ARID4B: variants seen among roughly 807,000 people sequenced by gnomAD.
ARID4B encodes AT-rich interaction domain 4B.
In ARID4B, 26 loss-of-function variants were observed where a neutral mutation model predicts 147.5. The observed-to-expected ratio is 0.18, with a 90% CI of 0.13 to 0.24. ARID4B has a LOEUF of 0.24. ARID4B is among the 10% of genes least tolerant of loss of function. The pLI is 1.00. For missense variants in ARID4B, 1,179 were observed against 1,511.5 expected (o/e 0.78, Z 3.65); for synonymous variants, 512 against 507.9 (o/e 1.01, Z -0.11).
At chr1:235,218,135 CTG>C (rs1402899521) in intron 16 of ARID4B, among the ~76,000 whole-genome samples, 1 of 152,124 alleles carries the variant, frequency 6.6e-6, no homozygotes, top group Non-Finnish European at 1.5e-5. Context: ...GTAACTGAAA[CTG>C]TGGAAAAGCA....
At position 235,240,379 on chromosome 1, in the gene ARID4B, T is replaced by C; in HGVS notation, c.519A>G (p.Leu173=). Residue 173 remains leucine, a synonymous_variant, in exon 8 of 24, where the codon CTA becomes CTG. Coordinates refer to ENST00000264183, the MANE Select transcript of ARID4B (RefSeq NM_016374.6). Reference sequence around the variant, plus strand: ...TGTAATCTACACATACAACTTTGCCTAGTAGCTCATCAATCTGTTTCCTAT... The same window carrying C: ...TGTAATCTACACATACAACTTTGCCCAGTAGCTCATCAATCTGTTTCCTAT... ...EDDRKQIDEL[L]GKVVCVDYIS... The C allele has an allele frequency of 6.2e-7, 1 of 1,613,510 alleles. No homozygotes were observed.
Position 235,315,213 on chromosome 1 carries a change from C to T in ARID4B, c.6+11701G>A, listed in dbSNP as rs1158243745. Among the ~76,000 whole-genome samples the T allele has an allele frequency of 2.0e-5, 3 of 152,098 alleles. No homozygotes were observed. In the East Asian group the frequency reaches 5.8e-4, roughly 29 times the overall value. The stretch of plus-strand genomic sequence containing the variant: ...CCAAGGTGGGAGGATCACCTGAGCT[C>T]AAGAGTTCAAGACTAGCCTGGGCAA... On this transcript the variant is annotated intron_variant, in intron 2 of 23. Coordinates refer to ENST00000264183, the MANE Select transcript of ARID4B (RefSeq NM_016374.6).
At chr1:235,267,183 C>A (rs1253331868) in intron 2 of ARID4B, among the ~76,000 whole-genome samples, 1 of 152,196 alleles carries the variant, frequency 6.6e-6, no homozygotes. Context: ...GAGGCTGAGG[C>A]GGGAGGATCG....
intron 20 of ARID4B, chr1:235,180,539 T>C (rs1033283973): frequency 1.3e-5 from 2 of 152,184 alleles, no homozygotes; most frequent in African/African-American, 4.8e-5. Context: ...TTGCATGAGA[T>C]AGTATGGCAC....
intron 2 of ARID4B, among the ~76,000 whole-genome samples, chr1:235,310,808 A>G (rs1673993805): frequency 6.6e-6 from 1 of 152,080 alleles, no homozygotes; most frequent in Admixed American, 6.5e-5. Flanking sequence ...GTAGCTGGAA[A>G]TACAGTCACA....
At chr1:235,203,472 C>T (rs1036886655) in intron 17 of ARID4B, among the ~76,000 whole-genome samples, 23 of 151,984 alleles carry the variant, frequency 1.5e-4, no homozygotes, top group African/African-American at 2.2e-4. Flanking sequence ...AAAATAACTT[C>T]GTAAGTAAAA....
chr1:235,204,139 T>C (rs1403476418), intron 17 of ARID4B, among the ~76,000 whole-genome samples: 1 of 152,048 alleles, frequency 6.6e-6, no homozygotes, highest in Non-Finnish European at 1.5e-5. Context: ...CTGGCCAGCA[T>C]GGTGAAACCT....
intron 17 of ARID4B, among the ~76,000 whole-genome samples, chr1:235,209,039 A>T (rs1452401690): frequency 6.6e-6 from 1 of 152,230 alleles, no homozygotes; most frequent in East Asian, 1.9e-4. Flanking sequence ...AGCCCTTTCC[A>T]GTAAATGTGG....
At chr1:235,214,780 G>C (rs920403749) in intron 16 of ARID4B, among the ~76,000 whole-genome samples, 3 of 149,146 alleles carry the variant, frequency 2.0e-5, no homozygotes, top group Non-Finnish European at 4.4e-5. Context: ...CAGATGAGAG[G>C]CCAATTACAA....
At chr1:235,201,330 C>CT (rs770314693) in intron 17 of ARID4B, among the ~76,000 whole-genome samples, 195 of 145,334 alleles carry the variant, frequency 1.3e-3, no homozygotes, top group Middle Eastern at 7.1e-3. Flanking sequence ...CGAGAATCTT[C>CT]TTTTTTTTTT....
chr1:235,269,842 A>C, intron 2 of ARID4B, among the ~76,000 whole-genome samples: 1 of 152,304 alleles, frequency 6.6e-6, no homozygotes, highest in African/African-American at 2.4e-5. Context: ...TATTTTGTAA[A>C]GTAATATATA....
Position 235,258,706 on chromosome 1 carries a change from T to C in ARID4B, c.118-1481A>G, listed in dbSNP as rs147081367. ...GGCAGGCCCACTCAAAAACCAGCTA[T>C]GAAAGGAGATGCCTTATACCCACAG... On this transcript the variant is annotated intron_variant, in intron 3 of 23. Coordinates refer to ENST00000264183, the MANE Select transcript of ARID4B (RefSeq NM_016374.6). Among the ~76,000 whole-genome samples the C allele has an allele frequency of 7.9e-5, 12 of 152,318 alleles. No individual in the cohort carries two copies. The East Asian group carries it at 2.3e-3, about 29-fold the overall frequency.
At chr1:235,199,097 T>A (rs1303745278) in intron 17 of ARID4B, among the ~76,000 whole-genome samples, 1 of 152,076 alleles carries the variant, frequency 6.6e-6, no homozygotes, top group Non-Finnish European at 1.5e-5. Flanking sequence ...AGACTCCGTC[T>A]CAAAAAACAA....
At chr1:235,195,497 G>A (rs1341231140) in intron 18 of ARID4B, among the ~76,000 whole-genome samples, 4 of 151,946 alleles carry the variant, frequency 2.6e-5, no homozygotes, top group Non-Finnish European at 5.9e-5. Context: ...GGAGGCTGAG[G>A]CATGAGAATC....
At chr1:235,183,118 A>G (rs1571914011) in intron 19 of ARID4B, among the ~76,000 whole-genome samples, 1 of 152,164 alleles carries the variant, frequency 6.6e-6, no homozygotes, top group African/African-American at 2.4e-5. Context: ...AAGCTTCTCC[A>G]AGTTTATATA....
At chr1:235,196,726 G>C (rs1420754587) in intron 17 of ARID4B, among the ~76,000 whole-genome samples, 1 of 151,834 alleles carries the variant, frequency 6.6e-6, no homozygotes, top group Non-Finnish European at 1.5e-5. Context: ...GGTGGTGGGG[G>C]CCTGTAGCCC....
chr1:235,220,261 T>C lies in ARID4B; in HGVS notation c.1407+41A>G, dbSNP rs199993944. 261 of 1,539,660 alleles carry C rather than the reference T, an allele frequency of 1.7e-4. 1 individual carries two copies. The African/African-American group carries it at 2.6e-3, about 15-fold the overall frequency. ...AACTTTATAGAGGATATGGAAAATA[T>C]ACCAAAGAAAGCAAAAGACAATTAA... On this transcript the variant is annotated intron_variant, in intron 15 of 23. Coordinates refer to ENST00000264183, the MANE Select transcript of ARID4B (RefSeq NM_016374.6).
Position 235,221,597 on chromosome 1 carries a change from A to C in ARID4B, c.1131T>G (p.Ala377=). The C allele has an allele frequency of 6.2e-7, 1 of 1,610,608 alleles. No homozygotes were observed. The highest frequency in any genetic ancestry group is 8.5e-7 in the Non-Finnish European group (1 of 1,177,520). Residue 377 remains alanine, a synonymous_variant, in exon 14 of 24, where the codon GCT becomes GCG. Transcript: ENST00000264183. ...QDLGIPVLNS[A]AGYNVKCAYK... The stretch of plus-strand genomic sequence containing the variant: ...AAGCACATTTAACATTGTATCCTGC[A>C]GCTGAATTTAAGACAGGGATTCCAA...
At chr1:235,170,388 G>A (rs901092622) in intron 23 of ARID4B, among the ~76,000 whole-genome samples, 1 of 152,108 alleles carries the variant, frequency 6.6e-6, no homozygotes, top group Non-Finnish European at 1.5e-5. Context: ...TTTATCTCTA[G>A]AATCTAGAGA....
Sources: allele counts gnomAD v4.1 joint callset (sites outside exome capture counted in the v4.1 genomes callset), GRCh38; gene constraint gnomAD v4.1.1; transcripts MANE v1.5; gene names NCBI Gene and HGNC (gene_info 2026-07-23, HGNC 2026-07-21).